Variants in WDR77 observed in about 807,000 individuals in gnomAD.
WDR77 encodes methylosome protein WDR77.
Under a neutral mutation model 44.0 loss-of-function variants are expected in WDR77, and 31 were observed. The ratio of observed to expected loss-of-function variants is 0.70; its 90% CI spans 0.53 to 0.95. WDR77 has a LOEUF of 0.95. Among genes scored for constraint, WDR77 ranks in the 40% least tolerant of loss-of-function variants. WDR77 has a pLI of 0.00. For missense variants in WDR77, 390 were observed against 423.9 expected (o/e 0.92, Z 0.70); for synonymous variants, 186 against 165.7 (o/e 1.12, Z -0.94).
Position 111,440,015 on chromosome 1 carries a change from T to C in WDR77, c.*1215A>G, listed in dbSNP as rs766477291. The C allele has an allele frequency of 2.0e-5, 3 of 152,650 alleles. No homozygotes were observed. Among genetic ancestry groups the C allele is most frequent in the Non-Finnish European group, 4.4e-5 (3 of 68,054 alleles). The allele number at this position is 152,650 out of a possible 1,614,324, so 9.5% of individuals were successfully genotyped here. ...TTTCATAATGTGATTTTTACCTAAA[T>C]TGAACCTGCAAAGCTCAAAAGTACA... On this transcript the variant is annotated 3_prime_UTR_variant, in exon 10 of 10. Transcript: ENST00000235090.
At chr1:111,443,476 G>A (rs995012258) in intron 6 of WDR77, 82 bp from the exon 7 acceptor site, 2 of 1,407,104 alleles carry the variant, frequency 1.4e-6, no homozygotes, top group Non-Finnish European at 2.0e-6. Flanking sequence ...TCTAAATCCT[G>A]GGAGCACCTT....
In WDR77 at chr1:111,442,698, G is replaced by T; in HGVS notation, c.755C>A (p.Ala252Asp). ...TKSTSCVLSS[A>D]VHSQCVTGLV... ...CCCAGTGACACACTGGGAGTGTACA[G>T]CTGAGCTCAGGACACAGCTTGTACT... Residue 252 changes from alanine to aspartate, a missense_variant, in exon 8 of 10, where the codon GCT becomes GAT. Physicochemically the swap from Ala to Asp is moderately radical, Grantham distance 126. Transcript: ENST00000235090. The T allele has an allele frequency of 6.2e-7, 1 of 1,601,100 alleles. No homozygotes were observed. The highest frequency in any genetic ancestry group is 8.5e-7 in the Non-Finnish European group (1 of 1,170,950).
At chr1:111,448,978 G>A in intron 1 of WDR77, 77 bp downstream of exon 1, 2 of 1,538,662 alleles carry the variant, frequency 1.3e-6, no homozygotes, top group Non-Finnish European at 1.7e-6. Context: ...GCGGGGATGG[G>A]CTGGGAGGGT....
intron 2 of WDR77, 30 bp downstream of exon 2, chr1:111,448,589 G>A (rs762042338): frequency 3.7e-6 from 6 of 1,612,624 alleles, no homozygotes; most frequent in Non-Finnish European, 5.1e-6. Context: ...CCACCCGGGG[G>A]TGGGGGTGGA....
At chr1:111,448,370 AG>A (rs1391683962) in intron 2 of WDR77, among the ~76,000 whole-genome samples, 12 of 152,212 alleles carry the variant, frequency 7.9e-5, no homozygotes, top group African/African-American at 2.9e-4. Context: ...GTTACACAGA[AG>A]AAAAATGGTT....
Position 111,449,191 on chromosome 1 carries a change from C to T in WDR77, c.-22G>A, listed in dbSNP as rs542531420. The T allele has an allele frequency of 2.6e-6, 4 of 1,558,006 alleles. No individual in the cohort carries two copies. The highest frequency in any genetic ancestry group is 1.2e-5 in the South Asian group (1 of 85,702). The stretch of plus-strand genomic sequence containing the variant: ...GCATCTCCACGGTTCCAACTCCAAC[C>T]TAGACTCAAACTGGACGCCGGCCGG... On this transcript the variant is annotated 5_prime_UTR_variant, in exon 1 of 10. Transcript: ENST00000235090.
chr1:111,448,189 A>C (rs1463197125), intron 2 of WDR77, among the ~76,000 whole-genome samples: 1 of 142,202 alleles, frequency 7.0e-6, no homozygotes, highest in Non-Finnish European at 1.5e-5. Context: ...TGATTTTAAA[A>C]AAAAAAAAAG....
intron 2 of WDR77, 79 bp from the exon 3 acceptor site, chr1:111,447,655 T>C: frequency 6.5e-7 from 1 of 1,527,894 alleles, no homozygotes; most frequent in South Asian, 1.1e-5. Context: ...CAAAGAGCCA[T>C]TGTCACTAAA....
chr1:111,448,791 G>A lies in WDR77; in HGVS notation c.129C>T (p.Leu43=). The change falls in exon 2 of 10, where the codon CTC becomes CTT. Residue 43 remains leucine, a synonymous_variant. Transcript: ENST00000235090. ...GCCCACTCAGGCTGGAGGCCCCGAG[G>A]AGAAGCGCCCCATCTACGGGGGGTA... is the stretch of plus-strand genomic sequence containing the variant. The part of the protein sequence containing the change: ...AARYRSDGAL[L]LGASSLSGRC... 1.3e-6 allele frequency: 2 copies of A among 1,584,812 alleles called. No homozygotes were observed. The highest frequency in any genetic ancestry group is 1.1e-5 in the South Asian group (1 of 88,326).
At chr1:111,445,852 T>G (rs968896400) in intron 4 of WDR77, among the ~76,000 whole-genome samples, 1 of 152,014 alleles carries the variant, frequency 6.6e-6, no homozygotes, top group African/African-American at 2.4e-5. Flanking sequence ...CACTGCAACC[T>G]CCGCCTCCAG....
intron 3 of WDR77, 140 bp from the exon 4 acceptor site, chr1:111,447,284 C>T: frequency 6.8e-7 from 1 of 1,466,018 alleles, no homozygotes; most frequent in Non-Finnish European, 9.3e-7. Context: ...TTACGATGGA[C>T]TGCAAAATCC....
intron 8 of WDR77, 136 bp downstream of exon 8, chr1:111,442,517 C>T (rs761503069): frequency 7.0e-5 from 39 of 558,754 alleles, no homozygotes; most frequent in Middle Eastern, 4.8e-4. Context: ...AAGAGATCTT[C>T]GATGTTCCGA....
At position 111,443,973 on chromosome 1, in the gene WDR77, C is replaced by T. The variant is rs764544961; in HGVS notation, c.565-52G>A. On this transcript the variant is annotated intron_variant, in intron 5 of 9. Transcript: ENST00000235090. ...ATTTCATAATCCAAAGGAGCAGTTGCAGGCCAGAAAGTCTCCCCACTAGAG... is the reference window on the plus strand; with the variant it reads ...ATTTCATAATCCAAAGGAGCAGTTGTAGGCCAGAAAGTCTCCCCACTAGAG... The T allele has an allele frequency of 1.8e-5, 29 of 1,613,604 alleles. No homozygotes were observed. The African/African-American group carries it at 3.5e-4, about 19-fold the overall frequency.
chr1:111,442,622 C>T (rs371975440), intron 8 of WDR77, 31 bp downstream of exon 8: 5 of 1,438,486 alleles, frequency 3.5e-6, no homozygotes, highest in African/African-American at 1.4e-5. Flanking sequence ...CCATTTATAC[C>T]CATCAGGCCC....
chr1:111,446,063 C>G (rs530994134), intron 4 of WDR77, among the ~76,000 whole-genome samples: 60 of 152,352 alleles, frequency 3.9e-4, no homozygotes, highest in Non-Finnish European at 7.2e-4. Context: ...TAAGCCACTG[C>G]GCACAGCTGG....
At chr1:111,445,085 A>T (rs1652971128) in intron 4 of WDR77, among the ~76,000 whole-genome samples, 1 of 152,248 alleles carries the variant, frequency 6.6e-6, no homozygotes, top group Admixed American at 6.5e-5. Context: ...GCCAGAAATT[A>T]CCTTCTCTGC....
At chr1:111,441,467 T>G in intron 9 of WDR77, 78 bp from the exon 10 acceptor site, 1 of 1,401,150 alleles carries the variant, frequency 7.1e-7, no homozygotes. Context: ...ACCCAACACA[T>G]CTGGGGCACA....
At chr1:111,444,367 G>C (rs1652937060) in intron 4 of WDR77, among the ~76,000 whole-genome samples, 1 of 151,754 alleles carries the variant, frequency 6.6e-6, no homozygotes, top group Admixed American at 6.6e-5. Context: ...AGAAATTAGG[G>C]GCTTAGTAAG....
chr1:111,446,460 A>T (rs1653034835), intron 4 of WDR77, among the ~76,000 whole-genome samples: 1 of 152,204 alleles, frequency 6.6e-6, no homozygotes, highest in South Asian at 2.1e-4. Flanking sequence ...TCCCTCAAGA[A>T]TGTCAAGGAT....
Sources: gnomAD v4.1 joint callset for allele counts (sites outside exome capture counted in the v4.1 genomes callset) on GRCh38, gnomAD v4.1.1 for gene constraint, MANE v1.5 for transcripts, NCBI Gene and HGNC (gene_info 2026-07-23, HGNC 2026-07-21) for gene names.